SYN3: variants seen among roughly 807,000 people sequenced by gnomAD.
The protein encoded by SYN3 is synapsin III.
SYN3 carries 35 observed loss-of-function variants against 65.8 expected under a neutral mutation model. The ratio of observed to expected loss-of-function variants is 0.53; its 90% CI spans 0.41 to 0.70. SYN3 has a LOEUF of 0.70. Among genes scored for constraint, SYN3 ranks in the 30% least tolerant of loss-of-function variants. The pLI, the probability that SYN3 is intolerant of heterozygous loss-of-function variation, is 0.00. For synonymous variants in SYN3, 270 were observed against 292.9 expected (o/e 0.92, Z 0.80); for missense variants, 680 against 749.0 (o/e 0.91, Z 1.08).
chr22:33,005,657 T>C (rs998428626), intron 2 of SYN3, among the ~76,000 whole-genome samples: 1 of 152,230 alleles, frequency 6.6e-6, no homozygotes, highest in Non-Finnish European at 1.5e-5. Flanking sequence ...TGGTCATTTC[T>C]GCCCACCTTT....
At chr22:32,913,460 G>A (rs1453524436) in intron 4 of SYN3, among the ~76,000 whole-genome samples, 1 of 151,712 alleles carries the variant, frequency 6.6e-6, no homozygotes, top group Non-Finnish European at 1.5e-5. Flanking sequence ...GCACAGCCAA[G>A]TCTATTATTT....
chr22:32,724,721 G>A (rs988408548), intron 6 of SYN3, among the ~76,000 whole-genome samples: 1 of 152,148 alleles, frequency 6.6e-6, no homozygotes, highest in African/African-American at 2.4e-5. Context: ...AGTAAATTTT[G>A]ACATGTCTAG....
At chr22:32,963,519 G>A (rs1410184397) in intron 3 of SYN3, among the ~76,000 whole-genome samples, 1 of 152,144 alleles carries the variant, frequency 6.6e-6, no homozygotes, top group African/African-American at 2.4e-5. Flanking sequence ...TGGATGGATG[G>A]ATGGATGGAT....
chr22:32,902,246 A>AT (rs2049781074), intron 4 of SYN3, among the ~76,000 whole-genome samples: 1 of 152,230 alleles, frequency 6.6e-6, no homozygotes, highest in Non-Finnish European at 1.5e-5. Context: ...ATTTGAAACA[A>AT]TATGATGAGC....
At chr22:32,711,194 G>C (rs2060960823) in intron 6 of SYN3, among the ~76,000 whole-genome samples, 2 of 152,168 alleles carry the variant, frequency 1.3e-5, no homozygotes, top group South Asian at 4.1e-4. Context: ...TAACAGCTGG[G>C]TGGCCAGGAT....
intron 6 of SYN3, among the ~76,000 whole-genome samples, chr22:32,654,792 GC>G (rs1382064046): frequency 4.6e-5 from 7 of 152,230 alleles, no homozygotes; most frequent in Non-Finnish European, 1.0e-4. Context: ...GCCATTTGCT[GC>G]TGCTACTCTG....
chr22:32,748,744 C>G (rs2045017434), intron 6 of SYN3, among the ~76,000 whole-genome samples: 1 of 152,140 alleles, frequency 6.6e-6, no homozygotes, highest in Non-Finnish European at 1.5e-5. Context: ...ACGAAGGTAG[C>G]CCCTAGAAGG....
intron 3 of SYN3, among the ~76,000 whole-genome samples, chr22:32,961,334 T>C (rs957593470): frequency 2.0e-5 from 3 of 152,162 alleles, no homozygotes; most frequent in Admixed American, 6.5e-5. Flanking sequence ...TCTCTCTCTC[T>C]CTCTCTCTTT....
intron 10 of SYN3, among the ~76,000 whole-genome samples, chr22:32,533,251 TC>T (rs1318822638): frequency 6.6e-6 from 1 of 151,716 alleles, no homozygotes; most frequent in Non-Finnish European, 1.5e-5. Flanking sequence ...TACCATTCCA[TC>T]CCCCTTCCAA....
At chr22:32,757,058 G>GC (rs1569200055) in intron 6 of SYN3, among the ~76,000 whole-genome samples, 1 of 4,944 alleles carries the variant, frequency 2.0e-4, no homozygotes, top group Non-Finnish European at 4.2e-4. Flanking sequence ...ACTTTTTTTT[G>GC]AGGGGGGGTG....
intron 6 of SYN3, among the ~76,000 whole-genome samples, chr22:32,710,038 A>G (rs2060934313): frequency 6.7e-6 from 1 of 150,320 alleles, no homozygotes; most frequent in Non-Finnish European, 1.5e-5. Context: ...ACCCCAAAAA[A>G]GTGTTTCTAA....
At position 32,571,761 on chromosome 22, in the gene SYN3, C is replaced by T. The variant is rs1044801867; in HGVS notation, c.774+24913G>A. 5.3e-5 allele frequency among the ~76,000 whole-genome samples: 8 copies of T among 152,130 alleles called. No individual in the cohort carries two copies. In the East Asian group the frequency reaches 7.7e-4, roughly 15 times the overall value. On this transcript the variant is annotated intron_variant, in intron 7 of 13. Coordinates refer to ENST00000358763, the MANE Select transcript of SYN3 (RefSeq NM_003490.4). Reference sequence around the variant, plus strand: ...AACAGCAACTGCAGGGGACTGACTTCGAGAGTCTTATCTATTGAGTGTCTT... The same window carrying T: ...AACAGCAACTGCAGGGGACTGACTTTGAGAGTCTTATCTATTGAGTGTCTT...
At chr22:32,692,428 C>G (rs2060677646) in intron 6 of SYN3, among the ~76,000 whole-genome samples, 1 of 152,148 alleles carries the variant, frequency 6.6e-6, no homozygotes. Flanking sequence ...ATGACCTTTG[C>G]TTTATTCTGC....
intron 7 of SYN3, among the ~76,000 whole-genome samples, chr22:32,576,819 C>G (rs1196068896): frequency 6.6e-6 from 1 of 151,782 alleles, no homozygotes; most frequent in Non-Finnish European, 1.5e-5. Context: ...ACCCCCACCC[C>G]TCTCTTCTCT....
intron 6 of SYN3, among the ~76,000 whole-genome samples, chr22:32,827,605 C>T (rs1480112061): frequency 8.1e-5 from 1 of 12,340 alleles, no homozygotes; most frequent in Non-Finnish European, 1.5e-4. Context: ...CTTGCTTTTA[C>T]AAGCCACTCC....
At chr22:32,734,917 C>T (rs975431026) in intron 6 of SYN3, among the ~76,000 whole-genome samples, 3 of 152,198 alleles carry the variant, frequency 2.0e-5, no homozygotes, top group African/African-American at 7.2e-5. Context: ...TTCTATTCTC[C>T]TTCTAATGTG....
At chr22:32,816,377 T>C (rs1393109155) in intron 6 of SYN3, among the ~76,000 whole-genome samples, 5 of 152,026 alleles carry the variant, frequency 3.3e-5, no homozygotes, top group African/African-American at 1.2e-4. Context: ...ATACTGAAAA[T>C]GGGTCATTGG....
chr22:32,526,959 G>A (rs940603807), intron 12 of SYN3, among the ~76,000 whole-genome samples: 3 of 152,304 alleles, frequency 2.0e-5, no homozygotes, highest in South Asian at 2.1e-4. Context: ...GAGAGGATAC[G>A]GGGCGGATTT....
chr22:32,914,654 T>C (rs2146600840), intron 4 of SYN3, among the ~76,000 whole-genome samples: 1 of 151,872 alleles, frequency 6.6e-6, no homozygotes, highest in East Asian at 1.9e-4. Context: ...GTGTTAGCCA[T>C]GAGGGTCTCA....
Sources: gnomAD v4.1 joint callset for allele counts (sites outside exome capture counted in the v4.1 genomes callset) on GRCh38, gnomAD v4.1.1 for gene constraint, MANE v1.5 for transcripts, NCBI Gene and HGNC (gene_info 2026-07-23, HGNC 2026-07-21) for gene names.